Variants in HSF2BP observed in about 807,000 individuals in gnomAD.
HSF2BP encodes the protein heat shock transcription factor 2 binding protein, also known as heat shock factor 2-binding protein.
A neutral mutation model predicts 35.0 loss-of-function variants in HSF2BP; 35 were observed. That is an observed-to-expected ratio of 1.00 (90% confidence interval 0.76 to 1.32). The LOEUF (loss-of-function observed/expected upper bound fraction) is 1.32, where lower values mean the gene tolerates loss of function less well. Ranked by LOEUF, HSF2BP falls within the 40% of genes most tolerant of loss-of-function variation. The pLI, the probability that HSF2BP is intolerant of heterozygous loss-of-function variation, is 0.00. For missense variants in HSF2BP, 326 were observed against 321.7 expected, an observed-to-expected ratio of 1.01 and a Z score of -0.10; for synonymous variants, 114 against 117.4, an observed-to-expected ratio of 0.97 and a Z score of 0.18.
At chr21:43,608,392 C>T (rs1193185091) in intron 7 of HSF2BP, among the ~76,000 whole-genome samples, 1 of 152,158 alleles carries the variant, frequency 6.6e-6, no homozygotes, top group Non-Finnish European at 1.5e-5. Context: ...ATCAAAACCA[C>T]AATGAGGTAC....
rs766471357 is a variant in HSF2BP at position 43,630,488 on chromosome 21, T to C, written c.442-34A>G. The C allele has an allele frequency of 2.3e-5, 36 of 1,594,602 alleles. No individual in the cohort carries two copies. The Middle Eastern group carries it at 5.0e-4, about 22-fold the overall frequency. ...TTGAAAATCAGAGTGTCATATCTTT[T>C]TACAGACACTAGTGTGAAAACATTT... On this transcript the variant is annotated intron_variant, in intron 5 of 8. Coordinates refer to ENST00000291560, the MANE Select transcript of HSF2BP (RefSeq NM_007031.2).
intron 7 of HSF2BP, among the ~76,000 whole-genome samples, chr21:43,611,878 C>A (rs1023067842): frequency 1.3e-5 from 2 of 152,114 alleles, no homozygotes; most frequent in African/African-American, 2.4e-5. Flanking sequence ...TAAAGTGTAC[C>A]CAGAGAGTTA....
chr21:43,587,455 C>T (rs754419981), intron 8 of HSF2BP, among the ~76,000 whole-genome samples: 36 of 151,870 alleles, frequency 2.4e-4, no homozygotes, highest in Admixed American at 3.9e-4. Flanking sequence ...CACCTGAGGG[C>T]GGGAGTTCGA....
At chr21:43,633,524 T>C in intron 4 of HSF2BP, 103 bp from the exon 5 acceptor site, 2 of 1,021,478 alleles carry the variant, frequency 2.0e-6, no homozygotes, top group Non-Finnish European at 2.7e-6. Context: ...GAAATGCATG[T>C]ATAATTATAG....
chr21:43,496,202 T>C, the HSF2BP span, among the ~76,000 whole-genome samples: 63 of 117,482 alleles, frequency 5.4e-4, 6 homozygotes, highest in Middle Eastern at 4.6e-3. Flanking sequence ...TCAGCAAAGT[T>C]GCAGCATACA....
At chr21:43,613,679 C>G in intron 7 of HSF2BP, 151 bp downstream of exon 7, 1 of 630,728 alleles carries the variant, frequency 1.6e-6, no homozygotes, top group Non-Finnish European at 2.8e-6. Context: ...ATTTAAGAGA[C>G]AGTGCACGCC....
At chr21:43,656,879 A>AGAT (rs2082877634) in intron 2 of HSF2BP, 142 bp from the exon 3 acceptor site, 2 of 662,226 alleles carry the variant, frequency 3.0e-6, no homozygotes, top group Non-Finnish European at 2.6e-6. Context: ...ATTCTGCTAT[A>AGAT]GATATATTTT....
At chr21:43,600,905 G>A (rs1001988511) in intron 7 of HSF2BP, among the ~76,000 whole-genome samples, 6 of 152,170 alleles carry the variant, frequency 3.9e-5, no homozygotes, top group African/African-American at 7.2e-5. Flanking sequence ...TTCTTTGCAC[G>A]TCTGCATCAA....
intron 4 of HSF2BP, among the ~76,000 whole-genome samples, chr21:43,637,944 G>A (rs1028507894): frequency 5.9e-5 from 9 of 152,148 alleles, no homozygotes; most frequent in Admixed American, 3.3e-4. Context: ...TTTCCCCTGA[G>A]ATCAGGAACA....
At chr21:43,575,713 T>C (rs915389765) in intron 8 of HSF2BP, among the ~76,000 whole-genome samples, 1 of 152,244 alleles carries the variant, frequency 6.6e-6, no homozygotes. Flanking sequence ...AGGATCCCAC[T>C]ATAGACTAAA....
chr21:43,628,530 G>C (rs1232931432), intron 6 of HSF2BP, among the ~76,000 whole-genome samples: 1 of 152,228 alleles, frequency 6.6e-6, no homozygotes, highest in African/African-American at 2.4e-5. Context: ...GCTTCATGAG[G>C]TTTAAGGAAA....
chr21:43,578,372 CTT>C (rs1568881089), intron 8 of HSF2BP, among the ~76,000 whole-genome samples: 2 of 152,004 alleles, frequency 1.3e-5, no homozygotes, highest in Non-Finnish European at 2.9e-5. Context: ...TGTGCATTCT[CTT>C]TTTTTCTCTC....
chr21:43,644,140 T>C, intron 4 of HSF2BP, 149 bp downstream of exon 4: 1 of 590,780 alleles, frequency 1.7e-6, no homozygotes, highest in Non-Finnish European at 3.1e-6. Context: ...TTCAACTACA[T>C]TCCAACCCAC....
intron 8 of HSF2BP, among the ~76,000 whole-genome samples, chr21:43,581,399 G>C (rs1036044414): frequency 1.1e-4 from 16 of 150,538 alleles, no homozygotes; most frequent in African/African-American, 3.4e-4. Flanking sequence ...AAAAAAAAAA[G>C]AAAGAAAAGA....
intron 6 of HSF2BP, 44 bp downstream of exon 6, chr21:43,630,278 C>T (rs372554063): frequency 6.4e-7 from 1 of 1,557,858 alleles, no homozygotes; most frequent in African/African-American, 1.4e-5. Flanking sequence ...CTGCAGTGGT[C>T]TGGAAGCAAA....
At chr21:43,609,269 G>A (rs2082173078) in intron 7 of HSF2BP, among the ~76,000 whole-genome samples, 1 of 152,122 alleles carries the variant, frequency 6.6e-6, no homozygotes, top group South Asian at 2.1e-4. Context: ...AGAGACACTG[G>A]AGACTCCAAA....
chr21:43,596,025 A>T (rs1305411583), intron 7 of HSF2BP, among the ~76,000 whole-genome samples: 2 of 152,070 alleles, frequency 1.3e-5, no homozygotes, highest in Non-Finnish European at 2.9e-5. Context: ...CGGCAAGGCT[A>T]AATATTTCAT....
At chr21:43,604,432 C>T (rs539477885) in intron 7 of HSF2BP, among the ~76,000 whole-genome samples, 33 of 120,422 alleles carry the variant, frequency 2.7e-4, no homozygotes, top group Non-Finnish European at 5.4e-4. Flanking sequence ...CACACCACAC[C>T]ACACACACAC....
chr21:43,631,477 ACCAC>A (rs1303815394), intron 5 of HSF2BP, among the ~76,000 whole-genome samples: 6 of 152,092 alleles, frequency 3.9e-5, no homozygotes, highest in African/African-American at 7.2e-5. Flanking sequence ...AGCTAGAATG[ACCAC>A]CTCATCAGTC....
Sources: gnomAD v4.1 joint callset for allele counts (sites outside exome capture counted in the v4.1 genomes callset) on GRCh38, gnomAD v4.1.1 for gene constraint, MANE v1.5 for transcripts, NCBI Gene and HGNC (gene_info 2026-07-23, HGNC 2026-07-21) for gene names.